SEPTIN14: variants seen among roughly 807,000 people sequenced by gnomAD.
The protein encoded by SEPTIN14 is septin 14.
A neutral mutation model predicts 53.6 loss-of-function variants in SEPTIN14; 40 were observed. The observed-to-expected ratio is 0.75, with a 90% CI of 0.58 to 0.97. SEPTIN14 has a LOEUF of 0.97. Among genes scored for constraint, SEPTIN14 ranks in the 50% least tolerant of loss-of-function variants. SEPTIN14 has a pLI of 0.00. For synonymous variants in SEPTIN14, 138 were observed against 166.8 expected, an observed-to-expected ratio of 0.83 and a Z score of 1.33; for missense variants, 471 against 508.2, an observed-to-expected ratio of 0.93 and a Z score of 0.70.
intron 2 of SEPTIN14, among the ~76,000 whole-genome samples, chr7:55,851,343 T>G (rs1789511559): frequency 1.3e-5 from 2 of 152,066 alleles, no homozygotes; most frequent in South Asian, 4.1e-4. Flanking sequence ...CCTGGCAACC[T>G]CTCATCTGTT....
intron 7 of SEPTIN14, among the ~76,000 whole-genome samples, chr7:55,818,495 T>G (rs964180056): frequency 9.9e-6 from 1 of 100,838 alleles, no homozygotes; most frequent in Non-Finnish European, 2.0e-5. Flanking sequence ...AAAAAAAAAA[T>G]CATTTGGAAA....
chr7:55,860,976 A>G (rs1244540929), intron 2 of SEPTIN14, among the ~76,000 whole-genome samples: 1 of 152,216 alleles, frequency 6.6e-6, no homozygotes, highest in African/African-American at 2.4e-5. Flanking sequence ...AAACAGACTA[A>G]GACACTTGCT....
At chr7:55,796,998 C>T (rs1404391820) in intron 9 of SEPTIN14, among the ~76,000 whole-genome samples, 1 of 152,016 alleles carries the variant, frequency 6.6e-6, no homozygotes, top group East Asian at 1.9e-4. Context: ...TGGTACATGC[C>T]TGTAGTCCAA....
intron 2 of SEPTIN14, among the ~76,000 whole-genome samples, chr7:55,852,019 G>T (rs565136505): frequency 6.6e-6 from 1 of 151,960 alleles, no homozygotes; most frequent in Non-Finnish European, 1.5e-5. Flanking sequence ...GTGGGTGCCT[G>T]TAGTCCCAGC....
intron 2 of SEPTIN14, among the ~76,000 whole-genome samples, chr7:55,854,838 C>T (rs923803301): frequency 2.2e-4 from 33 of 152,268 alleles, no homozygotes; most frequent in Admixed American, 6.5e-4. Context: ...ATCTACAGAG[C>T]ATCTACCAGA....
rs750724568 is a variant in SEPTIN14, at chr7:55,807,257, C to G, written c.819G>C (p.Val273=). 1 of 1,564,298 alleles carries G rather than the reference C, an allele frequency of 6.4e-7. No individual in the cohort carries two copies. Among genetic ancestry groups the G allele is most frequent in the East Asian group, 2.3e-5 (1 of 43,738 alleles). ...GRHYPWGVLQ[V]ENENHCDFVK... ...CGAAGTCACAGTGATTTTCATTTTC[C>G]ACTAGTAAAAAAATAATAATGAATC... Residue 273 remains valine, a splice_region_variant and synonymous_variant, in exon 8 of 10, where the codon GTG becomes GTC. Coordinates refer to ENST00000388975, the MANE Select transcript of SEPTIN14 (RefSeq NM_207366.3).
intron 7 of SEPTIN14, chr7:55,810,873 G>T: frequency 3.1e-6 from 1 of 320,980 alleles, no homozygotes; most frequent in East Asian, 8.5e-5. Flanking sequence ...GCCTGGAGTT[G>T]GCTTCACTAT....
intron 9 of SEPTIN14, among the ~76,000 whole-genome samples, chr7:55,799,606 T>A (rs1451968300): frequency 6.6e-6 from 1 of 151,796 alleles, no homozygotes; most frequent in African/African-American, 2.4e-5. Flanking sequence ...GTATACTTAT[T>A]GCAGACAATT....
At chr7:55,811,819 A>C (rs1045051095) in intron 7 of SEPTIN14, among the ~76,000 whole-genome samples, 3 of 144,688 alleles carry the variant, frequency 2.1e-5, no homozygotes, top group Non-Finnish European at 4.5e-5. Flanking sequence ...TTTGAGACAG[A>C]GTCTCGCTCT....
chr7:55,793,718 T>C lies in SEPTIN14; in HGVS notation c.*2195A>G, dbSNP rs1788379062. On this transcript the variant is annotated 3_prime_UTR_variant, in exon 10 of 10. Coordinates refer to ENST00000388975, the MANE Select transcript of SEPTIN14 (RefSeq NM_207366.3). ...TTTTGGTATGTGATTGAAGTTAAGT[T>C]GAAATAAATTCAAATCAGAATGTTA... 4.6e-5 allele frequency: 7 copies of C among 152,102 alleles called. No individual in the cohort carries two copies. The highest frequency in any genetic ancestry group is 4.6e-4 in the Admixed American group (7 of 15,248). The allele number at this position is 152,102 out of a possible 1,614,324, so 9.4% of individuals were successfully genotyped here. A position where few individuals can be genotyped will look rare whatever the true frequency, so the allele number is the denominator to read the frequency against.
chr7:55,846,064 AGT>A (rs1789398433), intron 3 of SEPTIN14, among the ~76,000 whole-genome samples: 1 of 7,384 alleles, frequency 1.4e-4, no homozygotes, highest in African/African-American at 2.9e-4. Flanking sequence ...AAAAAAAAAA[AGT>A]ATATATATAT....
At chr7:55,829,133 C>T (rs924357867) in intron 6 of SEPTIN14, among the ~76,000 whole-genome samples, 1 of 151,506 alleles carries the variant, frequency 6.6e-6, no homozygotes, top group South Asian at 2.1e-4. Context: ...AATCCTAGCA[C>T]TTTGGGAGGC....
At chr7:55,833,102 G>T (rs1041257472) in intron 6 of SEPTIN14, among the ~76,000 whole-genome samples, 1 of 152,122 alleles carries the variant, frequency 6.6e-6, no homozygotes, top group African/African-American at 2.4e-5. Context: ...ATTGCCCAAG[G>T]TCAGGAGTTC....
chr7:55,840,758 G>A (rs1172818355), intron 5 of SEPTIN14, among the ~76,000 whole-genome samples: 4 of 152,016 alleles, frequency 2.6e-5, no homozygotes, highest in Non-Finnish European at 1.5e-5. Flanking sequence ...AGATAATTAG[G>A]ATATATACAT....
chr7:55,830,114 C>G (rs1304526633), intron 6 of SEPTIN14, among the ~76,000 whole-genome samples: 2 of 144,880 alleles, frequency 1.4e-5, no homozygotes, highest in Non-Finnish European at 3.0e-5. Context: ...GGAGGCGGAG[C>G]TTGCAGTGAG....
chr7:55,803,756 A>C (rs1398823041), intron 9 of SEPTIN14, among the ~76,000 whole-genome samples: 2 of 152,128 alleles, frequency 1.3e-5, no homozygotes, highest in Non-Finnish European at 2.9e-5. Context: ...TTCATAACTA[A>C]GGGAAGTGAG....
intron 6 of SEPTIN14, among the ~76,000 whole-genome samples, chr7:55,819,605 C>CA (rs776698595): frequency 6.6e-6 from 1 of 152,020 alleles, no homozygotes; most frequent in Non-Finnish European, 1.5e-5. Flanking sequence ...ACAAAAATGA[C>CA]AGAGATGATG....
chr7:55,815,303 G>T (rs1316293204), intron 7 of SEPTIN14, among the ~76,000 whole-genome samples: 4 of 151,974 alleles, frequency 2.6e-5, no homozygotes, highest in Admixed American at 6.6e-5. Flanking sequence ...AAAAGCTTCT[G>T]CAAAACAAAC....
At chr7:55,802,466 T>G (rs917620183) in intron 9 of SEPTIN14, among the ~76,000 whole-genome samples, 9 of 152,132 alleles carry the variant, frequency 5.9e-5, no homozygotes, top group Admixed American at 4.6e-4. Context: ...GATCGCACAT[T>G]AAATATCAGA....
Sources: gnomAD v4.1 joint callset for allele counts (sites outside exome capture counted in the v4.1 genomes callset) on GRCh38, gnomAD v4.1.1 for gene constraint, MANE v1.5 for transcripts, NCBI Gene and HGNC (gene_info 2026-07-23, HGNC 2026-07-21) for gene names.